The following HEBP1 variants were observed in gnomAD, a reference collection of about 807,000 sequenced individuals.
The protein encoded by HEBP1 is heme-binding protein 1.
A neutral mutation model predicts 20.4 loss-of-function variants in HEBP1; 13 were observed. The observed-to-expected ratio is 0.64, with a 90% CI of 0.42 to 1.01. The LOEUF is 1.01. Among genes scored for constraint, HEBP1 ranks in the 50% least tolerant of loss-of-function variants. HEBP1 has a pLI of 0.00. For synonymous variants in HEBP1, 92 were observed against 90.7 expected (o/e 1.01, Z -0.08); for missense variants, 241 against 247.3 (o/e 0.97, Z 0.17).
At chr12:12,989,739 A>T (rs984287624) in intron 1 of HEBP1, among the ~76,000 whole-genome samples, 1 of 148,254 alleles carries the variant, frequency 6.7e-6, no homozygotes, top group Non-Finnish European at 1.5e-5. Flanking sequence ...AGAGAAGAAA[A>T]ATTCAGTAAA....
intron 2 of HEBP1, among the ~76,000 whole-genome samples, chr12:12,988,867 T>C (rs1864184008): frequency 6.6e-6 from 1 of 152,200 alleles, no homozygotes; most frequent in South Asian, 2.1e-4. Flanking sequence ...GAATCTGAGC[T>C]ACCAGGGGCT....
chr12:12,991,608 C>T (rs1864226904), intron 1 of HEBP1, among the ~76,000 whole-genome samples: 1 of 152,124 alleles, frequency 6.6e-6, no homozygotes, highest in African/African-American at 2.4e-5. Context: ...ATTTTGTATT[C>T]CTGGACATAC....
intron 3 of HEBP1, among the ~76,000 whole-genome samples, chr12:12,975,741 C>A (rs1025823044): frequency 3.3e-5 from 5 of 152,054 alleles, no homozygotes; most frequent in African/African-American, 9.7e-5. Flanking sequence ...AACTCTAATG[C>A]GGGGCCTGAA....
rs756733292 is a variant in HEBP1 at position 13,000,163 on chromosome 12, G to A, written c.-49C>T. On this transcript the variant is annotated 5_prime_UTR_variant, in exon 1 of 4. Coordinates refer to ENST00000014930, the MANE Select transcript of HEBP1 (RefSeq NM_015987.5). ...GCACGGGAGGACGTGAGGTGGCGGG[G>A]GCGACGGAGCACCACGGGCAGCGAC... 4 of 1,417,554 alleles carry A rather than the reference G, an allele frequency of 2.8e-6. No homozygotes were observed. The African/African-American group carries it at 4.4e-5, about 15-fold the overall frequency. 87.8% of individuals were successfully genotyped at this position (1,417,554 alleles called of 1,614,324 possible).
At chr12:12,999,916 A>T in intron 1 of HEBP1, 121 bp downstream of exon 1, 1 of 569,938 alleles carries the variant, frequency 1.8e-6, no homozygotes, top group Non-Finnish European at 3.2e-6. Context: ...GACAGACACC[A>T]GAACGCACCT....
At chr12:12,982,141 G>T (rs920379590) in intron 3 of HEBP1, among the ~76,000 whole-genome samples, 8 of 152,110 alleles carry the variant, frequency 5.3e-5, no homozygotes, top group Non-Finnish European at 2.9e-5. Flanking sequence ...GCTTCTTATT[G>T]AACACTTGTT....
At chr12:12,991,577 C>T (rs1011344044) in intron 1 of HEBP1, among the ~76,000 whole-genome samples, 4 of 152,144 alleles carry the variant, frequency 2.6e-5, no homozygotes, top group Admixed American at 6.5e-5. Flanking sequence ...CTCCTTGCCA[C>T]GTGATTGCTC....
rs1376239874 is a variant in HEBP1, at chr12:13,000,146, G to C, written c.-32C>G. The C allele has an allele frequency of 3.2e-6, 5 of 1,555,590 alleles. No individual in the cohort carries two copies. Among genetic ancestry groups the C allele is most frequent in the Non-Finnish European group, 4.4e-6 (5 of 1,140,406 alleles). The stretch of plus-strand genomic sequence containing the variant: ...GCCGAGACGCTCCCGACGCACGGGA[G>C]GACGTGAGGTGGCGGGGGCGACGGA... On this transcript the variant is annotated 5_prime_UTR_variant, in exon 1 of 4. Coordinates refer to ENST00000014930, the MANE Select transcript of HEBP1 (RefSeq NM_015987.5).
rs1057058968 is a variant in HEBP1, at chr12:12,998,610, T to A, written c.78+1427A>T. ...CTACATAGAGCTGGGGAAACGGAGA[T>A]AAGAACAGGTGAAAGGTCTTTGGTT... is the stretch of plus-strand genomic sequence containing the variant. On this transcript the variant is annotated intron_variant, in intron 1 of 3. Transcript: ENST00000014930. This position sits in a 1 kb window ranked among gnomAD's most constrained non-coding sequence, Gnocchi z 4.2. 6.6e-6 allele frequency among the ~76,000 whole-genome samples: 1 copy of A among 152,206 alleles called. No individual in the cohort carries two copies. The highest frequency in any genetic ancestry group is 2.4e-5 in the African/African-American group (1 of 41,466).
chr12:12,990,317 T>C (rs1022664868), intron 1 of HEBP1, among the ~76,000 whole-genome samples: 2 of 151,012 alleles, frequency 1.3e-5, no homozygotes, highest in Non-Finnish European at 2.9e-5. Context: ...CGCAGGTGCA[T>C]ACCACCATGC....
intron 3 of HEBP1, among the ~76,000 whole-genome samples, chr12:12,981,279 C>T (rs1237985167): frequency 6.6e-6 from 1 of 152,240 alleles, no homozygotes. Context: ...GTGTTTTGGA[C>T]ATGCTGATTT....
intron 3 of HEBP1, among the ~76,000 whole-genome samples, chr12:12,976,559 G>A (rs1483442080): frequency 2.0e-5 from 3 of 152,198 alleles, no homozygotes; most frequent in Admixed American, 6.5e-5. Flanking sequence ...TTTTGGTGGA[G>A]TCCTCTGAAT....
At chr12:12,995,845 A>G (rs1389991478) in intron 1 of HEBP1, among the ~76,000 whole-genome samples, 2 of 152,190 alleles carry the variant, frequency 1.3e-5, no homozygotes, top group East Asian at 1.9e-4. Context: ...TATGCTCCCA[A>G]TCAGTTCCTA....
chr12:12,994,212 G>A (rs1054753447), intron 1 of HEBP1, among the ~76,000 whole-genome samples: 1 of 152,198 alleles, frequency 6.6e-6, no homozygotes. Flanking sequence ...TATGATGACT[G>A]TGAGTACAAA....
chr12:12,989,094 C>T (rs1864186367), intron 2 of HEBP1, among the ~76,000 whole-genome samples, 183 bp downstream of exon 2: 1 of 152,234 alleles, frequency 6.6e-6, no homozygotes, highest in African/African-American at 2.4e-5. Flanking sequence ...GGGCTGATAT[C>T]AGAGTGGTTT....
At chr12:12,985,147 G>GAA (rs962932595) in intron 3 of HEBP1, among the ~76,000 whole-genome samples, 1 of 137,762 alleles carries the variant, frequency 7.3e-6, no homozygotes, top group Non-Finnish European at 1.6e-5. Flanking sequence ...GACTCCGTTG[G>GAA]AAAAAAAAAA....
chr12:12,982,042 C>T lies in HEBP1; in HGVS notation c.398+5110G>A, dbSNP rs887577653. On this transcript the variant is annotated intron_variant, in intron 3 of 3. Coordinates refer to ENST00000014930, the MANE Select transcript of HEBP1 (RefSeq NM_015987.5). The stretch of plus-strand genomic sequence containing the variant: ...CTCATTATGTTGCCCAGGCTGGTCT[C>T]GAACTCCTAAGCTCAGGTGATCCAC... Among the ~76,000 whole-genome samples, 4 of 152,128 alleles carry T rather than the reference C, an allele frequency of 2.6e-5. No individual in the cohort carries two copies. In the East Asian group the frequency reaches 5.8e-4, roughly 22 times the overall value.
chr12:12,989,188 T>G (rs1864187168), intron 2 of HEBP1, 89 bp downstream of exon 2: 1 of 1,410,848 alleles, frequency 7.1e-7, no homozygotes. Flanking sequence ...AGGTGCCTTG[T>G]AGCCCCTCAC....
chr12:12,987,612 T>TCTCTCTTTC (rs1230851526), intron 2 of HEBP1, among the ~76,000 whole-genome samples: 3 of 117,840 alleles, frequency 2.5e-5, no homozygotes, highest in Non-Finnish European at 3.5e-5. Flanking sequence ...CTCTCTCTCT[T>TCTCTCTTTC]TCTCTCTCTC....
Sources: allele counts gnomAD v4.1 joint callset (sites outside exome capture counted in the v4.1 genomes callset), GRCh38; gene constraint gnomAD v4.1.1; non-coding constraint Gnocchi (gnomAD v3.1); transcripts MANE v1.5; gene names NCBI Gene and HGNC (gene_info 2026-07-23, HGNC 2026-07-21).